ITGAE: variants seen among roughly 807,000 people sequenced by gnomAD.
ITGAE encodes the protein integrin subunit alpha E, also known as integrin alpha-E.
Under a neutral mutation model 136.5 loss-of-function variants are expected in ITGAE, and 99 were observed. That is an observed-to-expected ratio of 0.73 (90% CI 0.62 to 0.86). The LOEUF (loss-of-function observed/expected upper bound fraction) is 0.86. Ranked by LOEUF, ITGAE falls within the 40% of genes least tolerant of loss-of-function variation. The pLI, the probability that ITGAE is intolerant of heterozygous loss-of-function variation, is 0.00. For missense variants in ITGAE, 1,447 were observed against 1,515.3 expected (o/e 0.95, Z 0.75); for synonymous variants, 613 against 591.8 (o/e 1.04, Z -0.52).
At chr17:3,748,894 C>T (rs966602778) in intron 16 of ITGAE, among the ~76,000 whole-genome samples, 1 of 152,244 alleles carries the variant, frequency 6.6e-6, no homozygotes, top group East Asian at 1.9e-4. Context: ...ACGAAGAGCC[C>T]TGTAAAGCCA....
Position 3,728,121 on chromosome 17 carries a change from T to C in ITGAE, c.2960A>G (p.Lys987Arg). ...VNTGQGLSHH[K>R]EFLFHVHGEN... is the part of the protein sequence containing the mutation. ...AGTACTTACATGGAAGAGGAATTCT[T>C]TGTGGTGAGAAAGCCCCTGGCCTGT... Residue 987 changes from lysine to arginine, a missense_variant, in exon 25 of 31, where the codon AAA becomes AGA. This residue lies in a region of ITGAE where 1,031 missense variants were observed against 1,011.4 expected (regional missense o/e 1.02). Coordinates refer to ENST00000263087, the MANE Select transcript of ITGAE (RefSeq NM_002208.5). 2.5e-6 allele frequency: 4 copies of C among 1,613,240 alleles called. No individual in the cohort carries two copies. The highest frequency in any genetic ancestry group is 3.4e-6 in the Non-Finnish European group (4 of 1,179,194).
chr17:3,796,192 T>TGTGTGTGTGTGG lies in ITGAE; in HGVS notation c.34+4918_34+4919insCCACACACACAC, dbSNP rs1016303323. Among the ~76,000 whole-genome samples the TGTGTGTGTGTGG allele has an allele frequency of 7.4e-5, 11 of 148,696 alleles. 2 individuals are homozygous for TGTGTGTGTGTGG. The highest frequency in any genetic ancestry group is 2.6e-4 in the African/African-American group (10 of 38,818). On this transcript the variant is annotated intron_variant, in intron 1 of 30. Coordinates refer to ENST00000263087, the MANE Select transcript of ITGAE (RefSeq NM_002208.5). Reference sequence around the variant, plus strand: ...ATCCGTGTGTGTGTGTGTGTGTGTGTGGTGGGGTAGTTCGCTGTATTTGCT... The same window carrying TGTGTGTGTGTGG: ...ATCCGTGTGTGTGTGTGTGTGTGTGTGTGTGTGTGTGGGGTGGGGTAGTTCGCTGTATTTGCT...
Position 3,763,880 on chromosome 17 carries a change from C to A in ITGAE, c.236G>T (p.Cys79Phe). The change falls in exon 3 of 31, where the codon TGC (cysteine) becomes TTC (phenylalanine). Residue 79 changes from cysteine to phenylalanine, a missense_variant. Around this residue, in one of 3 missense-constraint regions of ITGAE, gnomAD observed 310 missense variants for 416.1 expected, o/e 0.74. Transcript: ENST00000263087. ...TGGGGCTGACTTACCTACAGGATGG[C>A]AAAGGATTTCATCCTGGACAAGGGA... The part of the protein sequence containing the change: ...RCSLVQDEIL[C>F]HPVEHVPIPK... The A allele has an allele frequency of 6.2e-7, 1 of 1,613,582 alleles. No homozygotes were observed. Among genetic ancestry groups the A allele is most frequent in the Non-Finnish European group, 8.5e-7 (1 of 1,179,664 alleles).
At chr17:3,746,019 C>T (rs1385684924) in intron 17 of ITGAE, 92 bp from the exon 18 acceptor site, 11 of 1,185,428 alleles carry the variant, frequency 9.3e-6, no homozygotes, top group Middle Eastern at 2.7e-4. Flanking sequence ...CTTGTGGCCC[C>T]TCCTGAACAG....
At chr17:3,734,129 G>A (rs2051407547) in intron 21 of ITGAE, among the ~76,000 whole-genome samples, 1 of 152,188 alleles carries the variant, frequency 6.6e-6, no homozygotes, top group South Asian at 2.1e-4. Context: ...GGAGTGCAGT[G>A]GCGCAATCTC....
At chr17:3,787,408 G>T (rs566559210) in intron 1 of ITGAE, among the ~76,000 whole-genome samples, 1 of 152,204 alleles carries the variant, frequency 6.6e-6, no homozygotes, top group South Asian at 2.1e-4. Flanking sequence ...CACCATGCCC[G>T]GCTGTGAATT....
At chr17:3,797,852 C>A (rs138634734) in intron 1 of ITGAE, among the ~76,000 whole-genome samples, 3,069 of 152,312 alleles carry the variant, frequency 0.02, 49 homozygotes, top group South Asian at 0.028. Context: ...AGCCTCCTCA[C>A]GGGCCTCTCT....
intron 23 of ITGAE, chr17:3,730,472 A>C (rs1447029656): frequency 6.6e-6 from 1 of 151,046 alleles, no homozygotes; most frequent in Non-Finnish European, 1.5e-5. Context: ...TAAATAAATA[A>C]AAGGCTTTCA....
rs192794615 is a variant in ITGAE, at chr17:3,799,846, C to G, written c.34+1265G>C. 4.6e-5 allele frequency among the ~76,000 whole-genome samples: 7 copies of G among 152,298 alleles called. No individual in the cohort carries two copies. The highest frequency in any genetic ancestry group is 3.4e-3 in the Middle Eastern group (1 of 294). On this transcript the variant is annotated intron_variant, in intron 1 of 30. Coordinates refer to ENST00000263087, the MANE Select transcript of ITGAE (RefSeq NM_002208.5). This position sits in a 1 kb window ranked among gnomAD's most constrained non-coding sequence, Gnocchi z 4.1. ...GTTTTTGAAATATAAAATATTAGGC[C>G]GGGCAAGGTGGCTCATGCCTGTAGT...
At chr17:3,764,632 G>C (rs1278192765) in intron 2 of ITGAE, among the ~76,000 whole-genome samples, 6 of 152,168 alleles carry the variant, frequency 3.9e-5, no homozygotes, top group Admixed American at 3.9e-4. Context: ...GGGAGGCAGA[G>C]GTTGCAGTGA....
rs769462291 is a variant in ITGAE, at chr17:3,777,660, C to A, written c.35G>T (p.Ser12Ile). Reference sequence around the variant, plus strand: ...ATTGAAAGCGGCCAGCAGGGCCAGGCCTGTAGGGAAAAGAGGAGCGTTTAA... The same window carrying A: ...ATTGAAAGCGGCCAGCAGGGCCAGGACTGTAGGGAAAAGAGGAGCGTTTAA... ...WLFHTLLCIASLALLAAFNVD... is the reference protein window; with the variant it reads ...WLFHTLLCIAILALLAAFNVD... The change falls in exon 2 of 31, where the codon AGC becomes ATC. Residue 12 changes from serine (S) to isoleucine (I), a missense_variant and splice_region_variant. By Grantham distance (142) the Ser-to-Ile change is moderately radical (BLOSUM62 -2). Transcript: ENST00000263087. 8 of 1,607,500 alleles carry A rather than the reference C, an allele frequency of 5.0e-6. No homozygotes were observed. The highest frequency in any genetic ancestry group is 1.7e-5 in the Admixed American group (1 of 57,998).
At chr17:3,763,390 G>C (rs2052220848) in intron 3 of ITGAE, among the ~76,000 whole-genome samples, 1 of 152,034 alleles carries the variant, frequency 6.6e-6, no homozygotes, top group Non-Finnish European at 1.5e-5. Context: ...CTAGTTACTA[G>C]GGTGGCCACA....
intron 27 of ITGAE, 24 bp downstream of exon 27, chr17:3,723,664 G>A (rs1237226284): frequency 3.2e-6 from 5 of 1,567,546 alleles, no homozygotes; most frequent in Non-Finnish European, 4.3e-6. Flanking sequence ...CCCTCCCCTG[G>A]CCTCTCGGGA....
chr17:3,755,754 A>C (rs2052004483), intron 11 of ITGAE, 76 bp downstream of exon 11: 1 of 1,278,378 alleles, frequency 7.8e-7, no homozygotes, highest in Non-Finnish European at 1.1e-6. Context: ...GATGGGAGGC[A>C]GGAGTCCCTG....
chr17:3,746,705 G>A lies in ITGAE; in HGVS notation c.2156-778C>T, dbSNP rs143574355. ...GATCTCCTGACCTTGTGATCCACCC[G>A]CCTCGGCCTCCCAAAGTGCTGGGAC... is the stretch of plus-strand genomic sequence containing the variant. On this transcript the variant is annotated intron_variant, in intron 17 of 30. Coordinates refer to ENST00000263087, the MANE Select transcript of ITGAE (RefSeq NM_002208.5). Among the ~76,000 whole-genome samples the A allele has an allele frequency of 5.6e-4, 85 of 151,466 alleles. 2 individuals carry two copies. The East Asian group carries it at 0.012, about 22-fold the overall frequency.
At chr17:3,718,309 CCAA>C (rs1319918161) in intron 29 of ITGAE, 4 of 152,252 alleles carry the variant, frequency 2.6e-5, no homozygotes, top group Admixed American at 6.5e-5. Context: ...GAAGAAAAAT[CCAA>C]CATCCTTTTG....
chr17:3,729,607 G>A (rs757053583), intron 23 of ITGAE, 52 bp from the exon 24 acceptor site: 1 of 1,196,724 alleles, frequency 8.4e-7, no homozygotes, highest in South Asian at 1.2e-5. Flanking sequence ...CATAGCAAGT[G>A]CTTCTTAAAA....
At position 3,777,554 on chromosome 17, in the gene ITGAE, G is replaced by C. The variant is rs1384331429; in HGVS notation, c.141C>G (p.Ser47Arg). ...GCCCTACTCACCAGGTCTGGTTGGT[G>C]CTGGGGTCTTGGTGCAGAAGGGAGC... is the stretch of plus-strand genomic sequence containing the variant. ...VLSSLLHQDP[S>R]TNQTWLLVTS... Residue 47 changes from serine to arginine, a missense_variant, in exon 2 of 31, where the codon AGC becomes AGG. Physicochemically the swap from Ser to Arg is moderately radical, Grantham distance 110 (BLOSUM62 -1). Transcript: ENST00000263087. 1.9e-6 allele frequency: 3 copies of C among 1,613,584 alleles called. No individual in the cohort carries two copies. Among genetic ancestry groups the C allele is most frequent in the African/African-American group, 1.3e-5 (1 of 74,916 alleles).
intron 22 of ITGAE, 55 bp from the exon 23 acceptor site, chr17:3,731,238 C>A: frequency 7.4e-7 from 1 of 1,354,664 alleles, no homozygotes; most frequent in Non-Finnish European, 1.1e-6. Flanking sequence ...ACTCACAATT[C>A]AGACCGCTAG....
Sources: gnomAD v4.1 joint callset for allele counts (sites outside exome capture counted in the v4.1 genomes callset) on GRCh38, gnomAD v4.1.1 for gene constraint, gnomAD v4.1.1 regional missense constraint, Gnocchi (gnomAD v3.1) non-coding constraint, MANE v1.5 for transcripts, NCBI Gene and HGNC (gene_info 2026-07-23, HGNC 2026-07-21) for gene names.